Variants in LACTBL1 observed in about 807,000 individuals in gnomAD.
LACTBL1 encodes the protein lactamase beta like 1.
LACTBL1 carries 29 observed loss-of-function variants against 39.6 expected under a neutral mutation model. The ratio of observed to expected loss-of-function variants is 0.73; its 90% CI spans 0.55 to 1.00. The LOEUF (loss-of-function observed/expected upper bound fraction) is 1.00. Ranked by LOEUF, LACTBL1 falls within the 50% of genes least tolerant of loss-of-function variation. The pLI is 0.00. For missense variants in LACTBL1, 711 were observed against 748.5 expected (o/e 0.95, Z 0.59); for synonymous variants, 361 against 360.7 (o/e 1.00, Z -0.01).
chr1:22,953,500 G>C, exon 6 of LACTBL1: 2 of 1,232,440 alleles, frequency 1.6e-6, no homozygotes, highest in Non-Finnish European at 2.0e-6. Context: ...CACCAGGTCG[G>C]GCCCGGGCGG....
In LACTBL1 at chr1:22,953,211, G is replaced by A. The variant is rs1557769034; in HGVS notation, c.1473C>T (p.Cys491=). 6.5e-6 allele frequency: 8 copies of A among 1,232,176 alleles called. No individual in the cohort carries two copies. In the East Asian group the frequency reaches 2.2e-4, roughly 34 times the overall value. 76.3% of individuals were successfully genotyped at this position (1,232,176 alleles called of 1,614,324 possible). A position where few individuals can be genotyped will look rare whatever the true frequency, so the allele number is the denominator to read the frequency against. The change falls in exon 6 of 6, where the codon TGC becomes TGT. Residue 491 remains cysteine (C), a synonymous_variant. Transcript: ENST00000426928. ...GCCACGCGTCGCCGAGTGGCAGTGC[G>A]CAGGGGAACTCGTGGGCCACGTGCA... is the stretch of plus-strand genomic sequence containing the variant.
chr1:22,958,211 G>A (rs771805853), intron 4 of LACTBL1, among the ~76,000 whole-genome samples: 3 of 151,748 alleles, frequency 2.0e-5, no homozygotes, highest in African/African-American at 7.3e-5. Context: ...TCAGCCTCCC[G>A]AGTAGCTAAG....
chr1:22,967,674 G>C (rs1297541088), upstream of LACTBL1, among the ~76,000 whole-genome samples: 1 of 151,940 alleles, frequency 6.6e-6, no homozygotes, highest in Non-Finnish European at 1.5e-5. Flanking sequence ...CAGACAGACA[G>C]ACTTATAATG....
intron 3 of LACTBL1, among the ~76,000 whole-genome samples, chr1:22,959,310 G>A (rs991163609): frequency 8.5e-5 from 13 of 152,240 alleles, no homozygotes; most frequent in African/African-American, 2.4e-5. Flanking sequence ...ACGAGGTTGT[G>A]CATGCAAAGT....
chr1:22,963,069 A>C, intron 2 of LACTBL1, 38 bp downstream of exon 4: 1 of 1,162,764 alleles, frequency 8.6e-7, no homozygotes. Context: ...ACCCAGGCCC[A>C]GCCCATATGC....
chr1:22,954,016 T>C (rs909901256), exon 6 of LACTBL1: 8 of 1,532,044 alleles, frequency 5.2e-6, no homozygotes, highest in African/African-American at 2.8e-5. Context: ...CAGCGTGCTG[T>C]AATGGCATCT....
chr1:22,970,188 G>T (rs1032326473), upstream of LACTBL1, among the ~76,000 whole-genome samples: 1 of 152,172 alleles, frequency 6.6e-6, no homozygotes, highest in South Asian at 2.1e-4. Flanking sequence ...AATATTCAAA[G>T]ACTGGAAACA....
At position 22,960,097 on chromosome 1, in the gene LACTBL1, C is replaced by T. The variant is rs763106355; in HGVS notation, c.162G>A (p.Val54=). ...ACATTGCCTGGCGCAGGATCTGGTCCACCTTGAGGGAAAAGAACGGGTGCA... is the reference window on the plus strand; with the variant it reads ...ACATTGCCTGGCGCAGGATCTGGTCTACCTTGAGGGAAAAGAACGGGTGCA... Residue 54 remains valine, a splice_region_variant and synonymous_variant, in exon 3 of 6, where the codon GTG becomes GTA. Coordinates refer to ENST00000426928, the Ensembl canonical transcript of LACTBL1. 3.9e-6 allele frequency: 6 copies of T among 1,550,594 alleles called. No homozygotes were observed. The South Asian group carries it at 5.9e-5, about 15-fold the overall frequency.
At chr1:22,967,408 GT>G (rs1488120748), upstream of LACTBL1, among the ~76,000 whole-genome samples, 1 of 151,956 alleles carries the variant, frequency 6.6e-6, no homozygotes, top group Non-Finnish European at 1.5e-5. Context: ...GCCAGGTGTG[GT>G]GGTATATACC....
At chr1:22,953,291 G>A in exon 6 of LACTBL1, 2 of 1,226,658 alleles carry the variant, frequency 1.6e-6, no homozygotes, top group East Asian at 6.3e-5. Flanking sequence ...AACGCTGGAG[G>A]CACCAGCGCC....
chr1:22,953,306 C>A (rs1461984340), exon 6 of LACTBL1: 1 of 1,226,090 alleles, frequency 8.2e-7, no homozygotes, highest in African/African-American at 1.6e-5. Flanking sequence ...AGCGCCTCCA[C>A]GCGCGGCCCG....
chr1:22,958,501 G>T (rs1291116179), intron 4 of LACTBL1, among the ~76,000 whole-genome samples, 184 bp downstream of exon 6: 1 of 152,214 alleles, frequency 6.6e-6, no homozygotes, highest in African/African-American at 2.4e-5. Flanking sequence ...CCAGGCTTCA[G>T]TTCAGCTTTT....
chr1:22,965,450 C>T (rs1640867606), upstream of LACTBL1: 1 of 1,238,508 alleles, frequency 8.1e-7, no homozygotes, highest in Non-Finnish European at 1.0e-6. Flanking sequence ...ACATAAGGTA[C>T]AGTCCCCTTG....
intron 4 of LACTBL1, among the ~76,000 whole-genome samples, chr1:22,956,719 G>A (rs955060485): frequency 6.6e-6 from 1 of 151,946 alleles, no homozygotes; most frequent in African/African-American, 2.4e-5. Flanking sequence ...TCCTGATCCC[G>A]CCCTGCCCAA....
rs1570497427 is a variant in LACTBL1 at position 22,954,079 on chromosome 1, G to T, written c.660-55C>A. The T allele has an allele frequency of 4.1e-6, 6 of 1,459,830 alleles. No individual in the cohort carries two copies. In the East Asian group the frequency reaches 1.3e-4, roughly 31 times the overall value. 90.4% of individuals were successfully genotyped at this position (1,459,830 alleles called of 1,614,324 possible). A position where few individuals can be genotyped will look rare whatever the true frequency, so the allele number is the denominator to read the frequency against. On this transcript the variant is annotated intron_variant, in intron 5 of 5. Coordinates refer to ENST00000426928, the Ensembl canonical transcript of LACTBL1. Reference sequence around the variant, plus strand: ...GGGCCCTTCCTCACCCGCCCGCGCTGTCTGAAATGCCACCAGTTTCATGGG... The same window carrying T: ...GGGCCCTTCCTCACCCGCCCGCGCTTTCTGAAATGCCACCAGTTTCATGGG...
Position 22,959,931 on chromosome 1 carries a change from A to T in LACTBL1, c.317+11T>A. On this transcript the variant is annotated intron_variant, in intron 3 of 5. Coordinates refer to ENST00000426928, the Ensembl canonical transcript of LACTBL1. ...ACCCCTCCACAGGACCCTAGAGATC[A>T]CCCAGCTGACCTGTACATGGTGTAC... 1 of 1,551,054 alleles carries T rather than the reference A, an allele frequency of 6.4e-7. No individual in the cohort carries two copies. The highest frequency in any genetic ancestry group is 8.7e-7 in the Non-Finnish European group (1 of 1,147,092).
exon 6 of LACTBL1, chr1:22,953,984 C>T (rs1210167501): frequency 2.5e-5 from 39 of 1,547,054 alleles, no homozygotes; most frequent in Non-Finnish European, 3.2e-5. Flanking sequence ...GCTGCCAGGA[C>T]GTGGGCCAGG....
At chr1:22,968,748 G>T (rs138042340), upstream of LACTBL1, among the ~76,000 whole-genome samples, 1,974 of 152,252 alleles carry the variant, frequency 0.013, 28 homozygotes, top group African/African-American at 0.044. Flanking sequence ...TAACCTCCCT[G>T]TGCTTCTGTT....
chr1:22,968,826 A>G (rs1640909485), upstream of LACTBL1, among the ~76,000 whole-genome samples: 1 of 152,236 alleles, frequency 6.6e-6, no homozygotes, highest in East Asian at 1.9e-4. Context: ...AGATGAGTTG[A>G]TGTATAAAAA....
Sources: gnomAD v4.1 joint callset for allele counts (sites outside exome capture counted in the v4.1 genomes callset) on GRCh38, gnomAD v4.1.1 for gene constraint, MANE v1.5 for transcripts, NCBI Gene and HGNC (gene_info 2026-07-23, HGNC 2026-07-21) for gene names.